ELP4: variants seen among roughly 807,000 people sequenced by gnomAD.
ELP4 encodes elongator acetyltransferase complex subunit 4.
ELP4 carries 51 observed loss-of-function variants against 48.9 expected under a neutral mutation model. The observed-to-expected ratio is 1.04, with a 90% CI of 0.83 to 1.32. The LOEUF (loss-of-function observed/expected upper bound fraction) is 1.32. Ranked by LOEUF, ELP4 falls within the 40% of genes most tolerant of loss-of-function variation. ELP4 has a pLI of 0.00. For missense variants in ELP4, 519 were observed against 514.6 expected, an observed-to-expected ratio of 1.01 and a Z score of -0.08; for synonymous variants, 210 against 189.2, an observed-to-expected ratio of 1.11 and a Z score of -0.90.
At chr11:31,719,471 A>C (rs914482443) in intron 9 of ELP4, 1 of 398,112 alleles carries the variant, frequency 2.5e-6, no homozygotes, top group African/African-American at 2.1e-5. Context: ...TCATTTTATT[A>C]GGATTGGAGG....
At position 31,658,362 on chromosome 11, in the gene ELP4, TA is replaced by T. The variant is rs1945482129; in HGVS notation, c.1143+8142del. Among the ~76,000 whole-genome samples, 5 of 30,446 alleles carry T rather than the reference TA, an allele frequency of 1.6e-4. No individual in the cohort carries two copies. In the Admixed American group the frequency reaches 1.7e-3, roughly 10 times the overall value. 20.0% of individuals were successfully genotyped at this position (30,446 alleles called of 152,430 possible). On this transcript the variant is annotated intron_variant, in intron 9 of 9. Transcript: ENST00000640961. The stretch of plus-strand genomic sequence containing the variant: ...TCCCTTATATAACATGATGTTATTT[TA>T]TATATATATATATTCATATGTATGT...
chr11:31,692,495 G>T (rs970589418), intron 9 of ELP4, among the ~76,000 whole-genome samples: 1 of 152,122 alleles, frequency 6.6e-6, no homozygotes, highest in Non-Finnish European at 1.5e-5. Context: ...TAATCTTTGT[G>T]TAGAAAAGTA....
chr11:31,728,090 C>T lies in ELP4; in HGVS notation c.1144-55303C>T, dbSNP rs923107211. On this transcript the variant is annotated intron_variant, in intron 9 of 9. Coordinates refer to ENST00000640961, the MANE Select transcript of ELP4 (RefSeq NM_019040.5). ...AAACAAAACTTATAAGAGAAATAAT[C>T]TCCAACAATAGAATAAAGATGATTA... Among the ~76,000 whole-genome samples the T allele has an allele frequency of 1.3e-4, 20 of 152,138 alleles. No homozygotes were observed. In the East Asian group the frequency reaches 3.7e-3, roughly 28 times the overall value.
At chr11:31,520,137 G>A (rs1264544580) in intron 2 of ELP4, 46 bp downstream of exon 2, 1 of 1,512,486 alleles carries the variant, frequency 6.6e-7, no homozygotes, top group Admixed American at 2.0e-5. Context: ...ATTGTTTTCT[G>A]TTGTGCATAA....
intron 9 of ELP4, among the ~76,000 whole-genome samples, chr11:31,716,699 A>G (rs1946848291): frequency 6.6e-6 from 1 of 152,224 alleles, no homozygotes; most frequent in African/African-American, 2.4e-5. Context: ...GCATTATACA[A>G]AGATATATCA....
intron 9 of ELP4, among the ~76,000 whole-genome samples, chr11:31,743,393 G>A (rs946412500): frequency 2.0e-5 from 3 of 151,992 alleles, no homozygotes; most frequent in Admixed American, 6.6e-5. Flanking sequence ...TGCACCAAGT[G>A]GACCTAATAG....
chr11:31,550,336 T>TA (rs1197719784), intron 3 of ELP4, among the ~76,000 whole-genome samples: 3 of 152,144 alleles, frequency 2.0e-5, no homozygotes, highest in African/African-American at 7.2e-5. Context: ...TGGATATATT[T>TA]TTTGTCTTGA....
rs1401126986 is a variant in ELP4, at chr11:31,510,018, A to G, written c.223+11A>G. 19 of 1,605,388 alleles carry G rather than the reference A, an allele frequency of 1.2e-5. No individual in the cohort carries two copies. Among genetic ancestry groups the G allele is most frequent in the Middle Eastern group, 4.5e-4 (2 of 4,488 alleles). ...TAGACCAGCTCTTAGGTCGGTTCAG[A>G]GCGGAGATCTGGGCTCAGCCGAGGG... On this transcript the variant is annotated intron_variant, in intron 1 of 9. Coordinates refer to ENST00000640961, the MANE Select transcript of ELP4 (RefSeq NM_019040.5).
chr11:31,636,858 C>T (rs921982771), intron 7 of ELP4, among the ~76,000 whole-genome samples: 2 of 151,712 alleles, frequency 1.3e-5, no homozygotes, highest in African/African-American at 2.4e-5. Flanking sequence ...TAAGAAAACA[C>T]GAAAATTGTT....
At chr11:31,660,115 A>G (rs972210374) in intron 9 of ELP4, among the ~76,000 whole-genome samples, 2 of 152,226 alleles carry the variant, frequency 1.3e-5, no homozygotes, top group African/African-American at 2.4e-5. Flanking sequence ...CTAAATAATT[A>G]TATGAATGAA....
intron 9 of ELP4, among the ~76,000 whole-genome samples, chr11:31,693,989 G>A (rs370512734): frequency 2.0e-5 from 3 of 152,068 alleles, no homozygotes; most frequent in Non-Finnish European, 2.9e-5. Context: ...CAGATCCTTC[G>A]CCCACTTTTT....
At position 31,726,398 on chromosome 11, in the gene ELP4, G is replaced by A. The variant is rs1405618434; in HGVS notation, c.1144-56995G>A. The stretch of plus-strand genomic sequence containing the variant: ...AATTTAAAAAGGAAGAAATAAAGGG[G>A]CAAGGATACAGGGGAACACATGAAA... On this transcript the variant is annotated intron_variant, in intron 9 of 9. Transcript: ENST00000640961. Among the ~76,000 whole-genome samples the A allele has an allele frequency of 4.6e-5, 7 of 152,072 alleles. No homozygotes were observed. The South Asian group carries it at 1.2e-3, about 27-fold the overall frequency.
At chr11:31,587,238 C>G (rs764142269) in intron 3 of ELP4, among the ~76,000 whole-genome samples, 1 of 152,190 alleles carries the variant, frequency 6.6e-6, no homozygotes, top group African/African-American at 2.4e-5. Context: ...AAAGGTGGAC[C>G]TGTTTTAAAA....
Position 31,709,419 on chromosome 11 carries a change from G to A in ELP4, c.1143+59198G>A, listed in dbSNP as rs75952420. On this transcript the variant is annotated intron_variant, in intron 9 of 9. Coordinates refer to ENST00000640961, the MANE Select transcript of ELP4 (RefSeq NM_019040.5). ...ACTTACCGAATGACCCAAGTTTCAC[G>A]TATTCAGTTACTCACTATCAGGGAA... Among the ~76,000 whole-genome samples the A allele has an allele frequency of 9.4e-3, 1,432 of 152,216 alleles. 15 individuals carry two copies. The highest frequency in any genetic ancestry group is 0.015 in the Non-Finnish European group (1,035 of 67,998).
At chr11:31,563,627 G>A (rs554094611) in intron 3 of ELP4, among the ~76,000 whole-genome samples, 44 of 152,162 alleles carry the variant, frequency 2.9e-4, no homozygotes, top group African/African-American at 9.9e-4. Context: ...TTGTTGAAAG[G>A]TAGTCCTATT....
chr11:31,535,595 C>G (rs1956486180), intron 2 of ELP4, among the ~76,000 whole-genome samples: 2 of 152,196 alleles, frequency 1.3e-5, no homozygotes. Flanking sequence ...ACCCTGCCAT[C>G]TTGGCCTCCC....
At chr11:31,648,646 A>G (rs1250509797) in intron 8 of ELP4, 3 of 151,460 alleles carry the variant, frequency 2.0e-5, no homozygotes, top group Non-Finnish European at 3.0e-5. Flanking sequence ...TTCTGTGGAA[A>G]CCTCTAAAGA....
intron 3 of ELP4, among the ~76,000 whole-genome samples, chr11:31,578,960 G>A (rs182999800): frequency 6.6e-4 from 100 of 152,348 alleles, no homozygotes; most frequent in Non-Finnish European, 1.2e-3. Context: ...AAACTAAAGA[G>A]CTTCTGCACA....
chr11:31,538,004 C>T (rs1235841392), intron 2 of ELP4, among the ~76,000 whole-genome samples: 1 of 152,038 alleles, frequency 6.6e-6, no homozygotes, highest in African/African-American at 2.4e-5. Flanking sequence ...TATATCTCTC[C>T]ATTTATTTAG....
Sources: allele counts gnomAD v4.1 joint callset (sites outside exome capture counted in the v4.1 genomes callset), GRCh38; gene constraint gnomAD v4.1.1; transcripts MANE v1.5; gene names NCBI Gene and HGNC (gene_info 2026-07-23, HGNC 2026-07-21).